Variants in TNRC6A observed in about 807,000 individuals in gnomAD.
The protein encoded by TNRC6A is trinucleotide repeat containing adaptor 6A, also known as trinucleotide repeat-containing gene 6A protein.
A neutral mutation model predicts 221.2 loss-of-function variants in TNRC6A; 44 were observed. The observed-to-expected ratio is 0.20, with a 90% confidence interval of 0.16 to 0.26. TNRC6A has a LOEUF of 0.26. Ranked by LOEUF, TNRC6A falls within the 10% of genes least tolerant of loss-of-function variation. TNRC6A has a pLI of 1.00. For missense variants in TNRC6A, 2,199 were observed against 2,404.4 expected, an observed-to-expected ratio of 0.91 and a Z score of 1.79; for synonymous variants, 847 against 838.5, an observed-to-expected ratio of 1.01 and a Z score of -0.18.
intron 4 of TNRC6A, chr16:24,776,691 G>GT: frequency 1.0e-6 from 1 of 985,428 alleles, no homozygotes; most frequent in Non-Finnish European, 1.2e-6. Context: ...AACATGAGTT[G>GT]TTGTCTTGGC....
chr16:24,661,170 C>T (rs929696568), intron 2 of TNRC6A, among the ~76,000 whole-genome samples: 14 of 151,944 alleles, frequency 9.2e-5, no homozygotes, highest in African/African-American at 1.7e-4. Flanking sequence ...GATTTTAGTG[C>T]GCCTGTCAAA....
intron 2 of TNRC6A, among the ~76,000 whole-genome samples, chr16:24,655,052 G>A (rs1325566788): frequency 6.6e-6 from 1 of 152,026 alleles, no homozygotes; most frequent in East Asian, 1.9e-4. Context: ...AGACTAGCCC[G>A]GGCAACATGA....
Position 24,776,230 on chromosome 16 carries a change from T to C in TNRC6A, c.164-703T>C, listed in dbSNP as rs535737922. On this transcript the variant is annotated intron_variant, in intron 4 of 24. Transcript: ENST00000395799. ...TTTTATTTCTTTCTTTCCACTCTTT[T>C]ATGAGTCAAAAATTTCCCTATTTGC... 8.2e-6 allele frequency: 8 copies of C among 979,938 alleles called. No homozygotes were observed. The South Asian group carries it at 3.8e-4, about 46-fold the overall frequency. The allele number at this position is 979,938 out of a possible 1,614,324, so 60.7% of individuals were successfully genotyped here.
intron 17 of TNRC6A, among the ~76,000 whole-genome samples, chr16:24,808,391 C>T (rs970444790): frequency 8.5e-5 from 13 of 152,224 alleles, no homozygotes; most frequent in African/African-American, 3.1e-4. Flanking sequence ...TGGCCCACTG[C>T]CTGCTGTTGT....
chr16:24,746,513 AGTAT>A (rs1269533354), intron 2 of TNRC6A, among the ~76,000 whole-genome samples: 3 of 152,198 alleles, frequency 2.0e-5, no homozygotes, highest in Admixed American at 2.0e-4. Flanking sequence ...ATTACTGTGT[AGTAT>A]TCCTTGGTGT....
intron 2 of TNRC6A, among the ~76,000 whole-genome samples, chr16:24,672,734 G>A (rs12597894): frequency 0.05 from 7,605 of 151,762 alleles, 617 homozygotes; most frequent in East Asian, 0.32. Flanking sequence ...ATCATGAGCC[G>A]CTGTGCCTGG....
chr16:24,769,361 A>G (rs1231131367), intron 4 of TNRC6A, among the ~76,000 whole-genome samples: 5 of 151,960 alleles, frequency 3.3e-5, no homozygotes, highest in Admixed American at 2.0e-4. Context: ...TTGAATAGAT[A>G]ATTTTTCCAT....
chr16:24,747,135 C>G (rs2057030222), intron 2 of TNRC6A, among the ~76,000 whole-genome samples: 1 of 152,168 alleles, frequency 6.6e-6, no homozygotes, highest in Admixed American at 6.5e-5. Flanking sequence ...TTCCCCTAGT[C>G]AATGTATGAA....
At chr16:24,779,728 A>C (rs190725992) in intron 5 of TNRC6A, among the ~76,000 whole-genome samples, 1 of 152,252 alleles carries the variant, frequency 6.6e-6, no homozygotes, top group Non-Finnish European at 1.5e-5. Flanking sequence ...CAGCGTGCAC[A>C]GTAGCCCAGA....
chr16:24,680,444 G>T (rs1248153077), intron 2 of TNRC6A, among the ~76,000 whole-genome samples: 2 of 151,532 alleles, frequency 1.3e-5, no homozygotes, highest in African/African-American at 2.4e-5. Flanking sequence ...AGGAGGCCCG[G>T]TGCGGTGGCT....
At chr16:24,796,907 A>G (rs2058231818) in intron 9 of TNRC6A, among the ~76,000 whole-genome samples, 1 of 152,214 alleles carries the variant, frequency 6.6e-6, no homozygotes, top group African/African-American at 2.4e-5. Context: ...CCCATACCCC[A>G]ACCAGCCGCA....
intron 2 of TNRC6A, among the ~76,000 whole-genome samples, chr16:24,649,186 T>C (rs1360010602): frequency 6.6e-6 from 1 of 152,214 alleles, no homozygotes; most frequent in Non-Finnish European, 1.5e-5. Flanking sequence ...TTGTATATAT[T>C]TATGATGCAC....
At chr16:24,683,757 C>T (rs929323427) in intron 2 of TNRC6A, among the ~76,000 whole-genome samples, 1 of 152,186 alleles carries the variant, frequency 6.6e-6, no homozygotes, top group Non-Finnish European at 1.5e-5. Context: ...GTAAGGACAA[C>T]CACAGGCCTC....
At chr16:24,817,571 G>A (rs967851289) in intron 20 of TNRC6A, among the ~76,000 whole-genome samples, 1 of 152,146 alleles carries the variant, frequency 6.6e-6, no homozygotes, top group Non-Finnish European at 1.5e-5. Context: ...CCGATTACCT[G>A]CCACGGGGTT....
upstream of TNRC6A, among the ~76,000 whole-genome samples, chr16:24,728,796 T>G (rs1156543225): frequency 2.0e-5 from 3 of 152,248 alleles, no homozygotes; most frequent in Non-Finnish European, 4.4e-5. Context: ...TTAGTCTATC[T>G]ACATGTATGT....
chr16:24,615,064 C>CAAAAA (rs1354939104), intron 1 of TNRC6A, among the ~76,000 whole-genome samples: 8 of 151,218 alleles, frequency 5.3e-5, no homozygotes, highest in African/African-American at 1.9e-4. Context: ...GACTCTGTCT[C>CAAAAA]AAAAAAATAA....
intron 3 of TNRC6A, among the ~76,000 whole-genome samples, chr16:24,754,606 T>C (rs1031827194): frequency 2.0e-5 from 3 of 152,166 alleles, no homozygotes; most frequent in Non-Finnish European, 4.4e-5. Context: ...TAGGTTACCA[T>C]GGATTTCTCT....
intron 3 of TNRC6A, among the ~76,000 whole-genome samples, chr16:24,754,692 G>T (rs2057212015): frequency 6.6e-6 from 1 of 152,156 alleles, no homozygotes; most frequent in Non-Finnish European, 1.5e-5. Context: ...TAGAGGTTGA[G>T]AAATAGGTTA....
At position 24,824,491 on chromosome 16, in the gene TNRC6A, C is replaced by A. The variant is rs917798146; in HGVS notation, c.*684C>A. 3 of 152,482 alleles carry A rather than the reference C, an allele frequency of 2.0e-5. No individual in the cohort carries two copies. The highest frequency in any genetic ancestry group is 2.0e-4 in the Admixed American group (3 of 15,256). 9.4% of individuals were successfully genotyped at this position (152,482 alleles called of 1,614,324 possible). ...CTTGCAGCCCACCTGCCACCCAGGA[C>A]GGGCCCTGCACTTTGAATAGGCTTT... On this transcript the variant is annotated 3_prime_UTR_variant, in exon 25 of 25. Coordinates refer to ENST00000395799, the MANE Select transcript of TNRC6A (RefSeq NM_014494.4).
Sources: allele counts gnomAD v4.1 joint callset (sites outside exome capture counted in the v4.1 genomes callset), GRCh38; gene constraint gnomAD v4.1.1; transcripts MANE v1.5; gene names NCBI Gene and HGNC (gene_info 2026-07-23, HGNC 2026-07-21).